Variants in FZR1 observed in about 807,000 individuals in gnomAD.
FZR1 encodes fizzy-related protein homolog.
FZR1 carries 11 observed loss-of-function variants against 63.6 expected under a neutral mutation model. That is an observed-to-expected ratio of 0.17 (90% CI 0.11 to 0.29). FZR1 has a LOEUF of 0.29. Among genes scored for constraint, FZR1 ranks in the 10% least tolerant of loss-of-function variants. FZR1 has a pLI of 1.00. For synonymous variants in FZR1, 328 were observed against 297.9 expected, an observed-to-expected ratio of 1.10 and a Z score of -1.04; for missense variants, 440 against 687.5, an observed-to-expected ratio of 0.64 and a Z score of 4.03.
chr19:3,517,990 C>T (rs2083071164), intron 1 of FZR1, among the ~76,000 whole-genome samples: 1 of 149,614 alleles, frequency 6.7e-6, no homozygotes, highest in African/African-American at 2.5e-5. Flanking sequence ...TATGCCACCA[C>T]ACCCAGCTAA....
chr19:3,527,581 A>G, intron 6 of FZR1, 50 bp from the exon 7 acceptor site: 1 of 1,479,686 alleles, frequency 6.8e-7, no homozygotes, highest in Non-Finnish European at 9.2e-7. Flanking sequence ...CGTTTGCAAG[A>G]GGTGACCCAA....
At chr19:3,534,385 G>A in intron 12 of FZR1, 36 bp from the exon 13 acceptor site, 1 of 1,208,340 alleles carries the variant, frequency 8.3e-7, no homozygotes, top group Non-Finnish European at 1.2e-6. Flanking sequence ...GCACCTAGAG[G>A]CCCAGAGACA....
rs1459301067 is a variant in FZR1, at chr19:3,536,016, C to G, written c.*1180C>G. ...CCCCTCACCCCCCCACCACCCCTTC[C>G]CATTTCATCGGTGGGGACGTGGAGA... is the stretch of plus-strand genomic sequence containing the variant. On this transcript the variant is annotated 3_prime_UTR_variant, in exon 14 of 14. Coordinates refer to ENST00000441788, the MANE Select transcript of FZR1 (RefSeq NM_016263.4). 2.0e-5 allele frequency: 3 copies of G among 152,394 alleles called. No homozygotes were observed. The highest frequency in any genetic ancestry group is 2.1e-4 in the South Asian group (1 of 4,828). The allele number at this position is 152,394 out of a possible 1,614,324, so 9.4% of individuals were successfully genotyped here. A position where few individuals can be genotyped will look rare whatever the true frequency, so the allele number is the denominator to read the frequency against.
chr19:3,524,547 G>A (rs1012531757), intron 2 of FZR1, among the ~76,000 whole-genome samples: 4 of 152,218 alleles, frequency 2.6e-5, no homozygotes, highest in Non-Finnish European at 4.4e-5. Flanking sequence ...GCAGGGAGAT[G>A]TGACAGCAGA....
In FZR1 at chr19:3,535,143, C is replaced by T. The variant is rs1048757619; in HGVS notation, c.*307C>T. 2.2e-6 allele frequency: 1 copy of T among 446,592 alleles called. No individual in the cohort carries two copies. Among genetic ancestry groups the T allele is most frequent in the East Asian group, 4.8e-5 (1 of 20,992 alleles). The allele number at this position is 446,592 out of a possible 1,614,324, so 27.7% of individuals were successfully genotyped here. On this transcript the variant is annotated 3_prime_UTR_variant, in exon 14 of 14. Coordinates refer to ENST00000441788, the MANE Select transcript of FZR1 (RefSeq NM_016263.4). ...GTCTGTACTCAGAGCGACGGATGCC[C>T]CCTGGGACCCTCACTGCCTCCGTCT...
intron 7 of FZR1, among the ~76,000 whole-genome samples, chr19:3,529,865 C>A (rs543430791): frequency 1.8e-5 from 1 of 54,246 alleles, no homozygotes; most frequent in African/African-American, 8.4e-5. Context: ...GGTGGGTGAG[C>A]GGGTGGGTGA....
rs1376707502 is a variant in FZR1, at chr19:3,537,074, G to A, written c.*2238G>A. On this transcript the variant is annotated 3_prime_UTR_variant, in exon 14 of 14. Coordinates refer to ENST00000441788, the MANE Select transcript of FZR1 (RefSeq NM_016263.4). Reference sequence around the variant, plus strand: ...GGGAGGGTGGGCACTGCTGGGCTGAGTTCACCCCCAGGGCTGGCCAGATGG... The same window carrying A: ...GGGAGGGTGGGCACTGCTGGGCTGAATTCACCCCCAGGGCTGGCCAGATGG... The A allele has an allele frequency of 6.6e-6, 1 of 152,572 alleles. No individual in the cohort carries two copies. Among genetic ancestry groups the A allele is most frequent in the Non-Finnish European group, 1.5e-5 (1 of 68,210 alleles). 9.5% of individuals were successfully genotyped at this position (152,572 alleles called of 1,614,324 possible).
At position 3,533,417 on chromosome 19, in the gene FZR1, C is replaced by G. The variant is rs773391688; in HGVS notation, c.1347+19C>G. 1 of 1,482,478 alleles carries G rather than the reference C, an allele frequency of 6.7e-7. No homozygotes were observed. The highest frequency in any genetic ancestry group is 1.1e-5 in the South Asian group (1 of 88,504). The allele number at this position is 1,482,478 out of a possible 1,614,324, so 91.8% of individuals were successfully genotyped here. On this transcript the variant is annotated intron_variant, in intron 12 of 13. Coordinates refer to ENST00000441788, the MANE Select transcript of FZR1 (RefSeq NM_016263.4). This position sits in a 1 kb window ranked among gnomAD's most constrained non-coding sequence, Gnocchi z 4.9. ...GTACCTGGTGAGTTCACGCCAGGCA[C>G]TTCAAGGTGCCCCGGGATTCTGGAC...
At chr19:3,509,147 G>A (rs1164439157) in intron 1 of FZR1, among the ~76,000 whole-genome samples, 1 of 151,478 alleles carries the variant, frequency 6.6e-6, no homozygotes, top group Non-Finnish European at 1.5e-5. Flanking sequence ...ACTGGACTCA[G>A]CACAGAGCCA....
chr19:3,515,598 CT>C lies in FZR1; in HGVS notation c.-34-7357del. 6.6e-6 allele frequency among the ~76,000 whole-genome samples: 1 copy of C among 152,124 alleles called. No homozygotes were observed. The highest frequency in any genetic ancestry group is 1.9e-4 in the East Asian group (1 of 5,174). ...CCTGGCTAATACTGTGAAACCCCGT[CT>C]CTACTAAAAATACAAAAAATTAGGC... On this transcript the variant is annotated intron_variant, in intron 1 of 13. Coordinates refer to ENST00000441788, the MANE Select transcript of FZR1 (RefSeq NM_016263.4). The surrounding 1 kb of genome is among the most constrained non-coding windows in gnomAD (Gnocchi z 4.6).
intron 2 of FZR1, among the ~76,000 whole-genome samples, chr19:3,524,714 G>A (rs1036249980): frequency 1.3e-5 from 2 of 152,164 alleles, no homozygotes; most frequent in African/African-American, 2.4e-5. Flanking sequence ...CGAGGCTCCA[G>A]GGGAGGACCC....
intron 1 of FZR1, among the ~76,000 whole-genome samples, chr19:3,512,738 A>G (rs1326226967): frequency 1.3e-5 from 2 of 152,112 alleles, no homozygotes; most frequent in African/African-American, 4.8e-5. Flanking sequence ...CCTTAATCAC[A>G]TCATGACACC....
In FZR1 at chr19:3,535,024, T is replaced by TGGGGTGGGCA; in HGVS notation, c.*189_*198dup. 1.6e-6 allele frequency: 1 copy of TGGGGTGGGCA among 607,440 alleles called. No individual in the cohort carries two copies. The highest frequency in any genetic ancestry group is 2.9e-6 in the Non-Finnish European group (1 of 339,390). The allele number at this position is 607,440 out of a possible 1,614,324, so 37.6% of individuals were successfully genotyped here. A position where few individuals can be genotyped will look rare whatever the true frequency, so the allele number is the denominator to read the frequency against. On this transcript the variant is annotated 3_prime_UTR_variant, in exon 14 of 14. Transcript: ENST00000441788. ...ATTGTGAACCATGTCCACCAGTATC[T>TGGGGTGGGCA]GGGGTGGGCACGTGGTCGGGGACCC...
chr19:3,519,215 A>T (rs1236422500), intron 1 of FZR1, among the ~76,000 whole-genome samples: 1 of 152,220 alleles, frequency 6.6e-6, no homozygotes, highest in Non-Finnish European at 1.5e-5. Context: ...CCTCTGAAAC[A>T]TTCAGTCACA....
At chr19:3,511,000 A>T (rs576478350) in intron 1 of FZR1, among the ~76,000 whole-genome samples, 1 of 152,308 alleles carries the variant, frequency 6.6e-6, no homozygotes, top group East Asian at 1.9e-4. Flanking sequence ...CTCGCCTGGG[A>T]CCCGTGGGTG....
At position 3,525,432 on chromosome 19, in the gene FZR1, CTTTTTTTTTTTTT is replaced by C. The variant is rs57486013; in HGVS notation, c.70-420_70-408del. Among the ~76,000 whole-genome samples, 4 of 68,700 alleles carry C rather than the reference CTTTTTTTTTTTTT, an allele frequency of 5.8e-5. No individual in the cohort carries two copies. Among genetic ancestry groups the C allele is most frequent in the Admixed American group, 2.0e-4 (1 of 5,124 alleles). 45.1% of individuals were successfully genotyped at this position (68,700 alleles called of 152,430 possible). A position where few individuals can be genotyped will look rare whatever the true frequency, so the allele number is the denominator to read the frequency against. ...TGTGTGGCTCCCCTCCTTGGGTTTT[CTTTTTTTTTTTTT>C]TTTTTTTTTTTTTTTGAGACGGAGT... On this transcript the variant is annotated intron_variant, in intron 2 of 13. Transcript: ENST00000441788. The surrounding 1 kb of genome is among the most constrained non-coding windows in gnomAD (Gnocchi z 4.2).
intron 1 of FZR1, among the ~76,000 whole-genome samples, chr19:3,522,248 T>C (rs1453574449): frequency 6.6e-6 from 1 of 152,178 alleles, no homozygotes; most frequent in Non-Finnish European, 1.5e-5. Context: ...CAAACCCCCT[T>C]CCTGCCTCGG....
chr19:3,508,481 G>T (rs1222520001), intron 1 of FZR1, among the ~76,000 whole-genome samples: 1 of 152,170 alleles, frequency 6.6e-6, no homozygotes, highest in African/African-American at 2.4e-5. Context: ...ACAGGCGTGC[G>T]CCACCGCGCT....
Position 3,526,445 on chromosome 19 carries a change from C to T in FZR1, c.387+59C>T, listed in dbSNP as rs1195505018. ...CTCCCAGTGCAGCCTCCCCGGCCCC[C>T]CACCTCCCAGGCACCAGCTCTGCCT... On this transcript the variant is annotated intron_variant, in intron 5 of 13. Coordinates refer to ENST00000441788, the MANE Select transcript of FZR1 (RefSeq NM_016263.4). This position sits in a 1 kb window ranked among gnomAD's most constrained non-coding sequence, Gnocchi z 5.4. 2 of 1,418,790 alleles carry T rather than the reference C, an allele frequency of 1.4e-6. No homozygotes were observed. The highest frequency in any genetic ancestry group is 5.0e-5 in the East Asian group (2 of 40,136). The allele number at this position is 1,418,790 out of a possible 1,614,324, so 87.9% of individuals were successfully genotyped here.
Sources: gnomAD v4.1 joint callset for allele counts (sites outside exome capture counted in the v4.1 genomes callset) on GRCh38, gnomAD v4.1.1 for gene constraint, Gnocchi (gnomAD v3.1) non-coding constraint, MANE v1.5 for transcripts, NCBI Gene and HGNC (gene_info 2026-07-23, HGNC 2026-07-21) for gene names.